The following ARHGAP32 variants were observed in gnomAD, a reference collection of about 807,000 sequenced individuals.
ARHGAP32 encodes rho GTPase-activating protein 32.
A neutral mutation model predicts 186.5 loss-of-function variants in ARHGAP32; 51 were observed. That is an observed-to-expected ratio of 0.27 (90% CI 0.22 to 0.35). The LOEUF (loss-of-function observed/expected upper bound fraction) is 0.35, where lower values mean the gene tolerates loss of function less well. ARHGAP32 is among the 10% of genes least tolerant of loss of function. The probability of loss-of-function intolerance (pLI) is 1.00; values close to 1 mark genes in which losing one functional copy is unlikely to be tolerated. For missense variants in ARHGAP32, 2,186 were observed against 2,623.5 expected, an observed-to-expected ratio of 0.83 and a Z score of 3.64; for synonymous variants, 950 against 964.3, an observed-to-expected ratio of 0.99 and a Z score of 0.27.
intron 2 of ARHGAP32, among the ~76,000 whole-genome samples, chr11:129,127,809 T>A (rs1942698509): frequency 6.6e-6 from 1 of 152,110 alleles, no homozygotes; most frequent in South Asian, 2.1e-4. Context: ...TATCACTTAA[T>A]TATGCTTCTA....
intron 10 of ARHGAP32, among the ~76,000 whole-genome samples, chr11:129,045,572 C>T (rs1939773528): frequency 6.6e-6 from 1 of 152,132 alleles, no homozygotes; most frequent in Non-Finnish European, 1.5e-5. Context: ...AGTTAATGAA[C>T]ACTTATACTT....
intron 2 of ARHGAP32, among the ~76,000 whole-genome samples, chr11:129,159,697 G>A (rs954191301): frequency 6.6e-6 from 1 of 152,062 alleles, no homozygotes; most frequent in African/African-American, 2.4e-5. Flanking sequence ...CTGAAAAAGA[G>A]GGACTCGTCC....
At chr11:129,053,656 G>A (rs1036003335) in intron 10 of ARHGAP32, among the ~76,000 whole-genome samples, 25 of 152,132 alleles carry the variant, frequency 1.6e-4, no homozygotes, top group Non-Finnish European at 3.1e-4. Flanking sequence ...TCTAAAATGA[G>A]ATCATTATAG....
At chr11:129,074,281 A>ATG (rs1170190606) in intron 6 of ARHGAP32, among the ~76,000 whole-genome samples, 6 of 151,606 alleles carry the variant, frequency 4.0e-5, no homozygotes, top group East Asian at 1.9e-4. Flanking sequence ...TTACATATAT[A>ATG]TGTGTATGGA....
chr11:128,970,542 G>C lies in ARHGAP32; in HGVS notation c.4671C>G (p.Asn1557Lys). Residue 1557 changes from asparagine (N) to lysine (K), a missense_variant, in exon 23 of 23, where the codon AAC becomes AAG. Asn to Lys is a moderately conservative substitution (Grantham distance 94). Around this residue, in one of 5 missense-constraint regions of ARHGAP32, gnomAD observed 1,502 missense variants for 1,570.0 expected, o/e 0.96. Coordinates refer to ENST00000682385, the MANE Select transcript of ARHGAP32 (RefSeq NM_001378024.1). This position sits in a 1 kb window ranked among gnomAD's most constrained non-coding sequence, Gnocchi z 5.8. ...RYNTYVAPGR[N>K]ASGHHSKPCS... ...ATGGCTTGGAGTGGTGTCCAGATGC[G>C]TTTCTTCCTGGGGCCACATATGTGT... 2 of 1,614,172 alleles carry C rather than the reference G, an allele frequency of 1.2e-6. No homozygotes were observed.
Position 128,972,435 on chromosome 11 carries a change from A to T in ARHGAP32, c.4053+18T>A, listed in dbSNP as rs368524665. On this transcript the variant is annotated intron_variant, in intron 22 of 22. Transcript: ENST00000682385. Reference sequence around the variant, plus strand: ...GGTAATAGTATATTTCATCTCACTGATATCTTCCCCTTCTTACCTTGTGGG... The same window carrying T: ...GGTAATAGTATATTTCATCTCACTGTTATCTTCCCCTTCTTACCTTGTGGG... 14 of 1,508,838 alleles carry T rather than the reference A, an allele frequency of 9.3e-6. No individual in the cohort carries two copies. Among genetic ancestry groups the T allele is most frequent in the Non-Finnish European group, 1.2e-5 (14 of 1,128,998 alleles). The allele number at this position is 1,508,838 out of a possible 1,614,324, so 93.5% of individuals were successfully genotyped here. A position where few individuals can be genotyped will look rare whatever the true frequency, so the allele number is the denominator to read the frequency against.
At chr11:129,122,386 G>A (rs1233901296) in intron 5 of ARHGAP32, among the ~76,000 whole-genome samples, 1 of 151,290 alleles carries the variant, frequency 6.6e-6, no homozygotes, top group African/African-American at 2.4e-5. Context: ...TAAATTGCAA[G>A]CTGAGTAAAC....
chr11:129,201,513 A>T (rs911010198), intron 1 of ARHGAP32, among the ~76,000 whole-genome samples: 1 of 152,220 alleles, frequency 6.6e-6, no homozygotes, highest in Non-Finnish European at 1.5e-5. Context: ...AGTAACCAAA[A>T]AAATAATCAG....
intron 21 of ARHGAP32, 195 bp downstream of exon 21, chr11:128,973,929 A>T: frequency 1.6e-6 from 1 of 617,524 alleles, no homozygotes; most frequent in Non-Finnish European, 2.8e-6. Context: ...TTGAAGCAGG[A>T]CCATTGGCCC....
At chr11:129,065,819 C>T (rs531979671) in intron 7 of ARHGAP32, among the ~76,000 whole-genome samples, 149 of 152,182 alleles carry the variant, frequency 9.8e-4, no homozygotes, top group Non-Finnish European at 1.6e-3. Flanking sequence ...TGGACCTATT[C>T]TCCATGACTC....
intron 18 of ARHGAP32, 33 bp from the exon 19 acceptor site, chr11:128,978,948 T>C (rs768290412): frequency 3.8e-6 from 6 of 1,572,584 alleles, no homozygotes; most frequent in Middle Eastern, 1.7e-4. Context: ...AACATTAAGA[T>C]AGCCATGGGT....
At chr11:128,981,675 C>G (rs1245426427) in intron 16 of ARHGAP32, 114 bp from the exon 17 acceptor site, 1 of 1,270,320 alleles carries the variant, frequency 7.9e-7, no homozygotes, top group Non-Finnish European at 1.1e-6. Flanking sequence ...CTTTTACTGT[C>G]CCTTAGCTAA....
chr11:129,018,305 A>C (rs895545816), intron 11 of ARHGAP32, among the ~76,000 whole-genome samples: 28 of 152,172 alleles, frequency 1.8e-4, no homozygotes, highest in Non-Finnish European at 7.4e-5. Flanking sequence ...ACTTCTAGTA[A>C]AGGAAGACAA....
chr11:129,253,695 T>C (rs538769790), intron 1 of ARHGAP32, among the ~76,000 whole-genome samples: 1 of 152,286 alleles, frequency 6.6e-6, no homozygotes, highest in African/African-American at 2.4e-5. Context: ...AATATGTTTA[T>C]AAACCTGAGG....
chr11:128,985,862 A>ATATGTG (rs1565357767), intron 15 of ARHGAP32, 141 bp downstream of exon 15: 1 of 130,414 alleles, frequency 7.7e-6, no homozygotes, highest in East Asian at 2.1e-4. Context: ...GTGTGTGTAT[A>ATATGTG]TATATATATA....
chr11:129,268,410 T>C (rs1945433194), intron 1 of ARHGAP32, among the ~76,000 whole-genome samples: 1 of 152,054 alleles, frequency 6.6e-6, no homozygotes, highest in African/African-American at 2.4e-5. Context: ...TGTGAATAAC[T>C]GAGTTTTCAG....
In ARHGAP32 at chr11:128,969,983, G is replaced by A. The variant is rs377200706; in HGVS notation, c.5230C>T (p.Pro1744Ser). 4.3e-6 allele frequency: 7 copies of A among 1,614,066 alleles called. No homozygotes were observed. In the South Asian group the frequency reaches 4.4e-5, roughly 10 times the overall value. ...GTGTGCTTCACATCAGCAGCCGGAG[G>A]CATGCTGACTACATTATGGTCGTTG... The part of the protein sequence containing the change: ...SPNDHNVVSM[P>S]PAADVKHTYT... The change falls in exon 23 of 23, where the codon CCT (proline) becomes TCT (serine). Residue 1744 changes from proline to serine, a missense_variant. Transcript: ENST00000682385. This position sits in a 1 kb window ranked among gnomAD's most constrained non-coding sequence, Gnocchi z 4.8.
At chr11:129,097,691 C>A (rs951654266) in intron 5 of ARHGAP32, among the ~76,000 whole-genome samples, 1 of 151,868 alleles carries the variant, frequency 6.6e-6, no homozygotes, top group African/African-American at 2.4e-5. Flanking sequence ...TCAAGCAAAC[C>A]AACATACACA....
intron 1 of ARHGAP32, among the ~76,000 whole-genome samples, chr11:129,261,077 A>T (rs551409836): frequency 2.0e-4 from 31 of 152,288 alleles, no homozygotes; most frequent in African/African-American, 7.5e-4. Flanking sequence ...TCCTCAGAAA[A>T]AAAAATGGGT....
Sources: gnomAD v4.1 joint callset for allele counts (sites outside exome capture counted in the v4.1 genomes callset) on GRCh38, gnomAD v4.1.1 for gene constraint, gnomAD v4.1.1 regional missense constraint, Gnocchi (gnomAD v3.1) non-coding constraint, MANE v1.5 for transcripts, NCBI Gene and HGNC (gene_info 2026-07-23, HGNC 2026-07-21) for gene names.